FAM107A: variants seen among roughly 807,000 people sequenced by gnomAD.
FAM107A encodes actin-associated protein FAM107A.
Under a neutral mutation model 13.7 loss-of-function variants are expected in FAM107A, and 19 were observed. The observed-to-expected ratio is 1.38, with a 90% CI of 0.97 to 2.03. FAM107A has a LOEUF of 2.03. Ranked by LOEUF, FAM107A falls within the 30% of genes most tolerant of loss-of-function variation. The pLI is 0.00. For synonymous variants in FAM107A, 82 were observed against 74.5 expected (o/e 1.10, Z -0.52); for missense variants, 203 against 184.4 (o/e 1.10, Z -0.58).
At chr3:58,582,469 A>G (rs1191910748), upstream of FAM107A, among the ~76,000 whole-genome samples, 3 of 52,412 alleles carry the variant, frequency 5.7e-5, no homozygotes, top group Admixed American at 4.9e-4. Context: ...GGTAGGATGC[A>G]GGTTAACGCC....
intron 1 of FAM107A, among the ~76,000 whole-genome samples, chr3:58,597,293 T>C (rs755337117): frequency 6.6e-6 from 1 of 152,266 alleles, no homozygotes; most frequent in Non-Finnish European, 1.5e-5. Context: ...TGTCACTTTG[T>C]ATTGTACTTT....
At chr3:58,577,613 G>A (rs1215475137), upstream of FAM107A, 1 of 985,282 alleles carries the variant, frequency 1.0e-6, no homozygotes, top group Non-Finnish European at 1.2e-6. The surrounding 1 kb of genome is among the most constrained non-coding windows in gnomAD (Gnocchi z 4.9). Flanking sequence ...TACCCATTTT[G>A]TCAGATTGAT....
At chr3:58,578,760 C>A (rs2063750039), upstream of FAM107A, among the ~76,000 whole-genome samples, 1 of 152,204 alleles carries the variant, frequency 6.6e-6, no homozygotes, top group Admixed American at 6.5e-5. Flanking sequence ...AAGCTGGGGT[C>A]TACCAGTTAG....
At position 58,569,650 on chromosome 3, in the gene FAM107A, C is replaced by T. The variant is rs972911283; in HGVS notation, c.170+41G>A. 1.9e-6 allele frequency: 3 copies of T among 1,560,120 alleles called. No individual in the cohort carries two copies. The highest frequency in any genetic ancestry group is 2.7e-5 in the African/African-American group (2 of 73,090). ...TCACCTTCCCCATCCCCCACAGGCC[C>T]AGGTGCTTGCGGGGCCCAGGCAGCA... On this transcript the variant is annotated intron_variant, in intron 2 of 3. Coordinates refer to ENST00000360997, the MANE Select transcript of FAM107A (RefSeq NM_001076778.3). The surrounding 1 kb of genome is among the most constrained non-coding windows in gnomAD (Gnocchi z 5.7).
At position 58,613,751 on chromosome 3, in the gene FAM107A, C is replaced by A. The variant is rs1180012094; in HGVS notation, c.-70+13665G>T. ...GAGGTGAGTCTTGGGGAGGCTCAAC[C>A]CTCCCAAGTGCTCAGCTTACCACAG... On this transcript the variant is annotated intron_variant, in intron 1 of 3. Transcript: ENST00000465970. The surrounding 1 kb of genome is among the most constrained non-coding windows in gnomAD (Gnocchi z 4.6). Among the ~76,000 whole-genome samples the A allele has an allele frequency of 2.6e-5, 4 of 152,188 alleles. No homozygotes were observed. The highest frequency in any genetic ancestry group is 2.6e-4 in the Admixed American group (4 of 15,284).
At chr3:58,577,842 T>C, upstream of FAM107A, 1 of 417,894 alleles carries the variant, frequency 2.4e-6, no homozygotes, top group Non-Finnish European at 3.2e-6. This position sits in a 1 kb window ranked among gnomAD's most constrained non-coding sequence, Gnocchi z 4.9. Context: ...TGCTCAGCAT[T>C]GGGTCAGTTC....
At chr3:58,596,806 CTT>C (rs1450469617) in intron 1 of FAM107A, among the ~76,000 whole-genome samples, 1 of 152,166 alleles carries the variant, frequency 6.6e-6, no homozygotes, top group Non-Finnish European at 1.5e-5. Context: ...TGCTTTATAT[CTT>C]GATATATATG....
At chr3:58,568,949 G>A (rs1321785008) in intron 2 of FAM107A, among the ~76,000 whole-genome samples, 1 of 151,956 alleles carries the variant, frequency 6.6e-6, no homozygotes, top group Non-Finnish European at 1.5e-5. Context: ...GGCCTTCCAC[G>A]GAAAAGCCAG....
intron 1 of FAM107A, among the ~76,000 whole-genome samples, chr3:58,610,294 G>C (rs75874935): frequency 0.02 from 3,016 of 152,232 alleles, 46 homozygotes; most frequent in Non-Finnish European, 0.027. Flanking sequence ...CTCTCCCAAG[G>C]CCACACGGCT....
At chr3:58,578,166 AG>A (rs1450695988), upstream of FAM107A, among the ~76,000 whole-genome samples, 6 of 152,232 alleles carry the variant, frequency 3.9e-5, no homozygotes, top group African/African-American at 1.4e-4. Context: ...TCTCCAAGAG[AG>A]ACCTGGACTC....
upstream of FAM107A, among the ~76,000 whole-genome samples, chr3:58,578,167 G>A (rs1270558295): frequency 6.6e-6 from 1 of 152,226 alleles, no homozygotes; most frequent in Non-Finnish European, 1.5e-5. Flanking sequence ...CTCCAAGAGA[G>A]ACCTGGACTC....
rs1328905097 is a variant in FAM107A at position 58,601,755 on chromosome 3, G to T, written c.-69-12486C>A. 3.3e-5 allele frequency among the ~76,000 whole-genome samples: 5 copies of T among 152,300 alleles called. No homozygotes were observed. The East Asian group carries it at 7.7e-4, about 23-fold the overall frequency. On this transcript the variant is annotated intron_variant, in intron 1 of 3. Transcript: ENST00000465970. ...CATGTTAAACTTCTCAAAAGTACTG[G>T]ATTTTAAAGGAATATTCTGACAAGT... is the stretch of plus-strand genomic sequence containing the variant.
At chr3:58,606,148 T>C (rs1423312039) in intron 1 of FAM107A, among the ~76,000 whole-genome samples, 1 of 152,298 alleles carries the variant, frequency 6.6e-6, no homozygotes, top group African/African-American at 2.4e-5. Flanking sequence ...CAGGCTAGAG[T>C]GCAGTGGTAC....
At chr3:58,616,889 T>A (rs7651343) in intron 1 of FAM107A, among the ~76,000 whole-genome samples, 56,965 of 151,816 alleles carry the variant, frequency 0.38, 11,180 homozygotes, top group South Asian at 0.52. Context: ...TTCTCCTGCC[T>A]CAGCCTCCCG....
rs191652802 is a variant in FAM107A at position 58,626,872 on chromosome 3, G to A, written c.-70+544C>T. ...AGGGGGAGGGCTGGTGGGCACTGCC[G>A]GCTGAAGCTGCAGGGTAGGTGGGTC... On this transcript the variant is annotated intron_variant, in intron 1 of 3. Transcript: ENST00000465970. 1,017 of 1,213,600 alleles carry A rather than the reference G, an allele frequency of 8.4e-4. 6 individuals are homozygous for A. The African/African-American group carries it at 0.011, about 13-fold the overall frequency. The allele number at this position is 1,213,600 out of a possible 1,614,324, so 75.2% of individuals were successfully genotyped here. A position where few individuals can be genotyped will look rare whatever the true frequency, so the allele number is the denominator to read the frequency against.
Position 58,566,442 on chromosome 3 carries a change from G to A in FAM107A, c.*146C>T. 1 of 636,068 alleles carries A rather than the reference G, an allele frequency of 1.6e-6. No individual in the cohort carries two copies. The highest frequency in any genetic ancestry group is 2.7e-6 in the Non-Finnish European group (1 of 369,110). 39.4% of individuals were successfully genotyped at this position (636,068 alleles called of 1,614,324 possible). A position where few individuals can be genotyped will look rare whatever the true frequency, so the allele number is the denominator to read the frequency against. ...GCCCCAGCCTCCCAGGGAGAGCCAGGCCCTCTGGGGTGACACATTTCTACA... is the reference window on the plus strand; with the variant it reads ...GCCCCAGCCTCCCAGGGAGAGCCAGACCCTCTGGGGTGACACATTTCTACA... On this transcript the variant is annotated 3_prime_UTR_variant, in exon 4 of 4. Transcript: ENST00000360997.
At position 58,569,973 on chromosome 3, in the gene FAM107A, C is replaced by T. The variant is rs2063665394; in HGVS notation, c.-5-108G>A. On this transcript the variant is annotated intron_variant, in intron 1 of 3. Transcript: ENST00000360997. The surrounding 1 kb of genome is among the most constrained non-coding windows in gnomAD (Gnocchi z 5.7). ...TTTCATGTCAGATGGACCTTGGCCA[C>T]CTGCTACTGCGCATACCTGGGCAAG... 9.1e-7 allele frequency: 1 copy of T among 1,104,346 alleles called. No individual in the cohort carries two copies. The highest frequency in any genetic ancestry group is 1.3e-6 in the Non-Finnish European group (1 of 775,016). 68.4% of individuals were successfully genotyped at this position (1,104,346 alleles called of 1,614,324 possible).
At chr3:58,594,169 A>G (rs1051020008) in intron 1 of FAM107A, among the ~76,000 whole-genome samples, 5 of 152,230 alleles carry the variant, frequency 3.3e-5, no homozygotes, top group African/African-American at 9.6e-5. Context: ...TCCGCATTAC[A>G]GATAAGCCCT....
chr3:58,568,357 C>T (rs1238067093), intron 2 of FAM107A, among the ~76,000 whole-genome samples: 1 of 151,756 alleles, frequency 6.6e-6, no homozygotes, highest in Admixed American at 6.6e-5. Flanking sequence ...ATGGCATGAA[C>T]CTGGGAGGTG....
Sources: gnomAD v4.1 joint callset for allele counts (sites outside exome capture counted in the v4.1 genomes callset) on GRCh38, gnomAD v4.1.1 for gene constraint, Gnocchi (gnomAD v3.1) non-coding constraint, MANE v1.5 for transcripts, NCBI Gene and HGNC (gene_info 2026-07-23, HGNC 2026-07-21) for gene names.